PRKD1: variants seen among roughly 807,000 people sequenced by gnomAD.
The protein encoded by PRKD1 is serine/threonine-protein kinase D1.
Under a neutral mutation model 95.9 loss-of-function variants are expected in PRKD1, and 63 were observed. That is an observed-to-expected ratio of 0.66 (90% confidence interval 0.54 to 0.81). The LOEUF (loss-of-function observed/expected upper bound fraction) is 0.81, where lower values mean the gene tolerates loss of function less well. PRKD1 is among the 30% of genes least tolerant of loss of function. PRKD1 has a pLI of 0.00. For missense variants in PRKD1, 1,048 were observed against 1,165.3 expected, an observed-to-expected ratio of 0.90 and a Z score of 1.47; for synonymous variants, 425 against 423.1, an observed-to-expected ratio of 1.00 and a Z score of -0.05.
At chr14:29,782,706 A>AT (rs1266604552) in intron 1 of PRKD1, among the ~76,000 whole-genome samples, 15 of 150,258 alleles carry the variant, frequency 1.0e-4, no homozygotes, top group Middle Eastern at 3.4e-3. Context: ...TGCCCAGCTA[A>AT]TTTTTTTTCT....
chr14:29,900,948 T>G (rs1312372507), intron 1 of PRKD1, among the ~76,000 whole-genome samples: 2 of 152,162 alleles, frequency 1.3e-5, no homozygotes, highest in Non-Finnish European at 2.9e-5. Context: ...CTCGAAGAAC[T>G]TAAAAAGCTA....
At chr14:29,729,066 C>T (rs1886310339) in intron 1 of PRKD1, among the ~76,000 whole-genome samples, 1 of 152,022 alleles carries the variant, frequency 6.6e-6, no homozygotes, top group South Asian at 2.1e-4. Flanking sequence ...CTTTATAGAC[C>T]ATGCTTTTGC....
chr14:29,764,116 C>A (rs529000912), intron 1 of PRKD1, among the ~76,000 whole-genome samples: 8 of 152,038 alleles, frequency 5.3e-5, no homozygotes, highest in African/African-American at 1.7e-4. Flanking sequence ...GCATACGGGT[C>A]TTATCCTAGA....
chr14:29,921,749 A>C (rs1326175313), intron 1 of PRKD1, among the ~76,000 whole-genome samples: 1 of 152,212 alleles, frequency 6.6e-6, no homozygotes, highest in African/African-American at 2.4e-5. Context: ...ACAGTCATGA[A>C]GTATGGTCTT....
Position 29,577,286 on chromosome 14 carries a change from A to G in PRKD1, c.2691T>C (p.Thr897=). The change falls in exon 18 of 18, where the codon ACT becomes ACC. Residue 897 remains threonine (T), a synonymous_variant. Coordinates refer to ENST00000331968, the MANE Select transcript of PRKD1 (RefSeq NM_002742.3). ...PSASHSDTPE[T]EETEMKALGE... ...CGAGGGCTTTCATTTCTGTTTCTTC[A>G]GTCTCAGGAGTGTCACTGTGGCTAG... 1 of 1,613,790 alleles carries G rather than the reference A, an allele frequency of 6.2e-7. No individual in the cohort carries two copies. Among genetic ancestry groups the G allele is most frequent in the South Asian group, 1.1e-5 (1 of 91,080 alleles).
chr14:29,918,709 A>T (rs1234130181), intron 1 of PRKD1, among the ~76,000 whole-genome samples: 1 of 152,142 alleles, frequency 6.6e-6, no homozygotes, highest in Non-Finnish European at 1.5e-5. Flanking sequence ...ATAACATGCC[A>T]CTCCTAACCA....
At chr14:29,730,696 A>G (rs1434381806) in intron 1 of PRKD1, among the ~76,000 whole-genome samples, 1 of 152,158 alleles carries the variant, frequency 6.6e-6, no homozygotes, top group Non-Finnish European at 1.5e-5. Flanking sequence ...ACTCAACCTT[A>G]GAAAGAAATA....
intron 1 of PRKD1, among the ~76,000 whole-genome samples, chr14:29,774,642 T>C (rs1888654576): frequency 6.6e-6 from 1 of 152,194 alleles, no homozygotes; most frequent in Non-Finnish European, 1.5e-5. Flanking sequence ...TTGACATTAT[T>C]GTGCATTTTT....
At chr14:29,783,653 C>T (rs1221523318) in intron 1 of PRKD1, among the ~76,000 whole-genome samples, 2 of 152,096 alleles carry the variant, frequency 1.3e-5, no homozygotes, top group East Asian at 3.9e-4. Context: ...ATTTCCTTGC[C>T]AGCACGCTAT....
At position 29,701,769 on chromosome 14, in the gene PRKD1, G is replaced by A. The variant is rs960293566; in HGVS notation, c.403+23767C>T. Among the ~76,000 whole-genome samples, 3 of 151,994 alleles carry A rather than the reference G, an allele frequency of 2.0e-5. No individual in the cohort carries two copies. In the South Asian group the frequency reaches 6.2e-4, roughly 32 times the overall value. On this transcript the variant is annotated intron_variant, in intron 2 of 17. Transcript: ENST00000331968. ...TAAATTGTTCCACATTTGCTCAGTC[G>A]GTGATCCTTCATGTTGGTAACTATA...
intron 1 of PRKD1, among the ~76,000 whole-genome samples, chr14:29,847,909 A>T (rs933856631): frequency 6.6e-6 from 1 of 151,810 alleles, no homozygotes; most frequent in African/African-American, 2.4e-5. Context: ...TCTCTCTAGG[A>T]TTGGCAGAAG....
intron 1 of PRKD1, among the ~76,000 whole-genome samples, chr14:29,904,017 T>C (rs968185161): frequency 3.3e-5 from 5 of 152,172 alleles, no homozygotes; most frequent in African/African-American, 4.8e-5. Context: ...ACTGCCTCTT[T>C]TGAACCAATT....
Position 29,577,218 on chromosome 14 carries a change from C to G in PRKD1, c.*20G>C, listed in dbSNP as rs1427520158. 1.3e-6 allele frequency: 2 copies of G among 1,597,172 alleles called. No individual in the cohort carries two copies. The highest frequency in any genetic ancestry group is 2.7e-5 in the African/African-American group (2 of 74,448). ...ATTTATTAGTTCCACAGTGTTTTGA[C>G]AGATTATAGGAGATGGAACTCAGAG... On this transcript the variant is annotated 3_prime_UTR_variant, in exon 18 of 18. Coordinates refer to ENST00000331968, the MANE Select transcript of PRKD1 (RefSeq NM_002742.3).
chr14:29,815,570 C>T (rs1241180082), intron 1 of PRKD1, among the ~76,000 whole-genome samples: 1 of 152,222 alleles, frequency 6.6e-6, no homozygotes, highest in East Asian at 1.9e-4. Context: ...TGCAATGGAA[C>T]ATTCACTAAG....
intron 1 of PRKD1, among the ~76,000 whole-genome samples, chr14:29,848,576 A>G (rs182592928): frequency 3.4e-5 from 5 of 146,766 alleles, no homozygotes; most frequent in Admixed American, 6.8e-5. Context: ...AAGTATAAGG[A>G]AAAAAAAAAA....
intron 13 of PRKD1, among the ~76,000 whole-genome samples, chr14:29,616,091 T>C (rs1212533122): frequency 6.6e-6 from 1 of 151,796 alleles, no homozygotes; most frequent in Non-Finnish European, 1.5e-5. Context: ...GAGCTTCAAA[T>C]GTGCGTAAAT....
chr14:29,918,142 AGAT>A (rs1894957221), intron 1 of PRKD1, among the ~76,000 whole-genome samples: 1 of 152,200 alleles, frequency 6.6e-6, no homozygotes, highest in African/African-American at 2.4e-5. Context: ...TAAGTCTGTG[AGAT>A]GATGGACATG....
At chr14:29,821,670 AG>A (rs1890916680) in intron 1 of PRKD1, among the ~76,000 whole-genome samples, 3 of 152,242 alleles carry the variant, frequency 2.0e-5, no homozygotes, top group Admixed American at 6.5e-5. Context: ...AAAGGAAAAA[AG>A]GTTCACAAAC....
Position 29,810,284 on chromosome 14 carries a change from T to G in PRKD1, c.265-84610A>C, listed in dbSNP as rs74504451. 1.7e-3 allele frequency among the ~76,000 whole-genome samples: 262 copies of G among 152,312 alleles called. 8 individuals carry two copies. In the East Asian group the frequency reaches 0.045, roughly 26 times the overall value. On this transcript the variant is annotated intron_variant, in intron 1 of 17. Coordinates refer to ENST00000331968, the MANE Select transcript of PRKD1 (RefSeq NM_002742.3). Reference sequence around the variant, plus strand: ...AAATGGCAACAATAGACATGCTTGATGCAATGTTGCCACAAACCTTGAATT... The same window carrying G: ...AAATGGCAACAATAGACATGCTTGAGGCAATGTTGCCACAAACCTTGAATT...
Sources: gnomAD v4.1 joint callset for allele counts (sites outside exome capture counted in the v4.1 genomes callset) on GRCh38, gnomAD v4.1.1 for gene constraint, MANE v1.5 for transcripts, NCBI Gene and HGNC (gene_info 2026-07-23, HGNC 2026-07-21) for gene names.